The following COL10A1 variants were observed in gnomAD, a reference collection of about 807,000 sequenced individuals.
The protein encoded by COL10A1 is collagen alpha-1(X) chain.
A neutral mutation model predicts 18.2 loss-of-function variants in COL10A1; 10 were observed. The ratio of observed to expected loss-of-function variants is 0.55; its 90% CI spans 0.34 to 0.93. The LOEUF is 0.93. Among genes scored for constraint, COL10A1 ranks in the 40% least tolerant of loss-of-function variants. The pLI is 0.02. For missense variants in COL10A1, 897 were observed against 853.5 expected (o/e 1.05, Z -0.64); for synonymous variants, 330 against 316.6 (o/e 1.04, Z -0.45).
the COL10A1 span, among the ~76,000 whole-genome samples, chr6:116,175,604 C>T: frequency 5.3e-4 from 80 of 152,228 alleles, no homozygotes; most frequent in African/African-American, 1.8e-3. Flanking sequence ...TGTTCCTTCT[C>T]CCCCGACACA....
chr6:116,151,860 GT>G (rs1780050056), intron 1 of COL10A1, among the ~76,000 whole-genome samples: 1 of 152,092 alleles, frequency 6.6e-6, no homozygotes, highest in South Asian at 2.1e-4. Context: ...TAAACTGATA[GT>G]TTTGTCTCAT....
At chr6:116,213,464 C>G in the COL10A1 span, among the ~76,000 whole-genome samples, 501 of 152,132 alleles carry the variant, frequency 3.3e-3, 9 homozygotes, top group Non-Finnish European at 1.0e-3. Context: ...AGGGCTACAC[C>G]TGGAACTAAC....
the COL10A1 span, among the ~76,000 whole-genome samples, chr6:116,184,354 A>G: frequency 6.6e-6 from 1 of 152,030 alleles, no homozygotes; most frequent in African/African-American, 2.4e-5. Flanking sequence ...ACTAGCCTGT[A>G]GTTTTCTTTA....
At chr6:116,214,939 C>CA in the COL10A1 span, among the ~76,000 whole-genome samples, 1 of 152,016 alleles carries the variant, frequency 6.6e-6, no homozygotes, top group African/African-American at 2.4e-5. Context: ...TCTGATTGGC[C>CA]AGTGTGTATC....
rs1308473025 is a variant in COL10A1, at chr6:116,119,160, C to A, written c.*913G>T. On this transcript the variant is annotated 3_prime_UTR_variant, in exon 3 of 3. Transcript: ENST00000651968. The stretch of plus-strand genomic sequence containing the variant: ...TACAGTGCATAAATAAATAATATAT[C>A]TCCACTTCTAGTCGAATTTTGAAAC... 2 of 152,612 alleles carry A rather than the reference C, an allele frequency of 1.3e-5. No homozygotes were observed. Among genetic ancestry groups the A allele is most frequent in the African/African-American group, 4.8e-5 (2 of 41,442 alleles). 9.5% of individuals were successfully genotyped at this position (152,612 alleles called of 1,614,324 possible). A position where few individuals can be genotyped will look rare whatever the true frequency, so the allele number is the denominator to read the frequency against.
At chr6:116,187,029 G>C in the COL10A1 span, among the ~76,000 whole-genome samples, 8 of 152,100 alleles carry the variant, frequency 5.3e-5, no homozygotes, top group African/African-American at 1.9e-4. Flanking sequence ...AAGGGCTACC[G>C]TTCAGATTCT....
chr6:116,202,233 A>G, the COL10A1 span, among the ~76,000 whole-genome samples: 3 of 152,108 alleles, frequency 2.0e-5, no homozygotes, highest in Non-Finnish European at 4.4e-5. Flanking sequence ...TTCCTTGCAC[A>G]CACTTGGCTA....
At chr6:116,175,063 G>A in the COL10A1 span, among the ~76,000 whole-genome samples, 1 of 151,938 alleles carries the variant, frequency 6.6e-6, no homozygotes, top group Admixed American at 6.6e-5. Flanking sequence ...TAAGGAATTA[G>A]GCTTATTAAC....
At chr6:116,184,685 A>G in the COL10A1 span, among the ~76,000 whole-genome samples, 3 of 152,078 alleles carry the variant, frequency 2.0e-5, no homozygotes, top group African/African-American at 7.2e-5. Context: ...AGGTGTTCAT[A>G]GTAGCCTTGG....
intron 1 of COL10A1, among the ~76,000 whole-genome samples, chr6:116,153,131 A>G (rs1780091272): frequency 6.6e-6 from 1 of 151,950 alleles, no homozygotes; most frequent in Non-Finnish European, 1.5e-5. Context: ...AAATATATGT[A>G]TATACATACA....
At chr6:116,125,273 G>T in intron 2 of COL10A1, 66 bp downstream of exon 2, 1 of 1,555,390 alleles carries the variant, frequency 6.4e-7, no homozygotes, top group Non-Finnish European at 8.8e-7. Context: ...TTGTTAAAGA[G>T]ATTATTAAGA....
At chr6:116,206,692 G>T in the COL10A1 span, among the ~76,000 whole-genome samples, 1 of 151,938 alleles carries the variant, frequency 6.6e-6, no homozygotes, top group Non-Finnish European at 1.5e-5. Context: ...GATTTAATTT[G>T]CTGGCATGAG....
At chr6:116,125,022 T>G (rs1194714728) in intron 2 of COL10A1, among the ~76,000 whole-genome samples, 8 of 152,238 alleles carry the variant, frequency 5.3e-5, no homozygotes, top group African/African-American at 1.9e-4. Context: ...TGATTAGTTT[T>G]GATTAGATCA....
At chr6:116,199,359 G>C in the COL10A1 span, among the ~76,000 whole-genome samples, 1 of 152,062 alleles carries the variant, frequency 6.6e-6, no homozygotes, top group Non-Finnish European at 1.5e-5. Context: ...AAAGGACAGG[G>C]AACTACCATT....
upstream of COL10A1, among the ~76,000 whole-genome samples, chr6:116,163,141 A>AAAT (rs761718922): frequency 7.9e-5 from 7 of 88,414 alleles, no homozygotes; most frequent in African/African-American, 4.0e-4. Context: ...AAAAAAAAAA[A>AAAT]ATATATATAT....
chr6:116,125,703 A>G (rs1160546802), intron 1 of COL10A1, 196 bp from the exon 2 acceptor site: 2 of 444,494 alleles, frequency 4.5e-6, no homozygotes, highest in East Asian at 8.5e-5. Context: ...TTTGGAAGCT[A>G]TACTCAGGTA....
intron 1 of COL10A1, among the ~76,000 whole-genome samples, chr6:116,140,613 A>G (rs1014700123): frequency 6.6e-6 from 1 of 152,136 alleles, no homozygotes; most frequent in Non-Finnish European, 1.5e-5. Context: ...GTGTTTCCTC[A>G]TGTAGTTAAT....
At chr6:116,163,646 T>C (rs757307165), upstream of COL10A1, among the ~76,000 whole-genome samples, 48 of 152,182 alleles carry the variant, frequency 3.2e-4, no homozygotes, top group Non-Finnish European at 5.9e-4. Flanking sequence ...TTTATTTCTT[T>C]ACTTCTGCTA....
At chr6:116,138,829 T>G (rs1779690248) in intron 1 of COL10A1, among the ~76,000 whole-genome samples, 1 of 152,144 alleles carries the variant, frequency 6.6e-6, no homozygotes, top group African/African-American at 2.4e-5. Flanking sequence ...TGATTACAAC[T>G]ATGATATTGA....
Sources: gnomAD v4.1 joint callset for allele counts (sites outside exome capture counted in the v4.1 genomes callset) on GRCh38, gnomAD v4.1.1 for gene constraint, MANE v1.5 for transcripts, NCBI Gene and HGNC (gene_info 2026-07-23, HGNC 2026-07-21) for gene names.